TMC5: variants seen among roughly 807,000 people sequenced by gnomAD.
The protein encoded by TMC5 is transmembrane channel like 5.
TMC5 carries 86 observed loss-of-function variants against 110.5 expected under a neutral mutation model. The observed-to-expected ratio is 0.78, with a 90% CI of 0.65 to 0.93. The LOEUF is 0.93. Ranked by LOEUF, TMC5 falls within the 40% of genes least tolerant of loss-of-function variation. The pLI is 0.00. For missense variants in TMC5, 1,144 were observed against 1,222.8 expected, an observed-to-expected ratio of 0.94 and a Z score of 0.96; for synonymous variants, 455 against 439.5, an observed-to-expected ratio of 1.04 and a Z score of -0.44.
At position 19,492,240 on chromosome 16, in the gene TMC5, T is replaced by C. The variant is rs1431828981; in HGVS notation, c.2826+12T>C. 1 of 1,598,422 alleles carries C rather than the reference T, an allele frequency of 6.3e-7. No individual in the cohort carries two copies. Among genetic ancestry groups the C allele is most frequent in the South Asian group, 1.1e-5 (1 of 90,704 alleles). On this transcript the variant is annotated intron_variant, in intron 19 of 21. Coordinates refer to ENST00000542583, the MANE Select transcript of TMC5 (RefSeq NM_001261841.2). ...AGCAGATCATTAATGTAAGTCCCCT[T>C]GGATCCCTCTGATGTCCGCCCTCAC...
intron 9 of TMC5, 80 bp from the exon 10 acceptor site, chr16:19,469,601 G>A: frequency 6.4e-7 from 1 of 1,562,974 alleles, no homozygotes; most frequent in Non-Finnish European, 8.8e-7. Flanking sequence ...ATTAATAATA[G>A]GGCTGCCCTT....
At chr16:19,424,806 C>G (rs1967057455) in intron 1 of TMC5, among the ~76,000 whole-genome samples, 2 of 152,312 alleles carry the variant, frequency 1.3e-5, no homozygotes, top group South Asian at 4.1e-4. Flanking sequence ...TGAAAGATCT[C>G]CAATCTCTTC....
At chr16:19,479,103 C>T (rs367814082) in intron 13 of TMC5, among the ~76,000 whole-genome samples, 99 of 152,188 alleles carry the variant, frequency 6.5e-4, no homozygotes, top group Middle Eastern at 3.4e-3. Flanking sequence ...TTGAAGAAAC[C>T]GATTACCCTT....
Position 19,469,786 on chromosome 16 carries a change from T to G in TMC5, c.1743T>G (p.Ala581=). The change falls in exon 10 of 22, where the codon GCT becomes GCG. Residue 581 remains alanine, a synonymous_variant. Transcript: ENST00000542583. The part of the protein sequence containing the change: ...CWDFTVTHEK[A]VKLKQKNLST... The stretch of plus-strand genomic sequence containing the variant: ...ACTTCACTGTCACTCATGAAAAAGC[T>G]GTGAAGCTAAAACAGAAGAATCTTA... The G allele has an allele frequency of 6.2e-7, 1 of 1,614,208 alleles. No homozygotes were observed. The highest frequency in any genetic ancestry group is 8.5e-7 in the Non-Finnish European group (1 of 1,180,018).
At chr16:19,486,018 G>A (rs1469025805) in intron 15 of TMC5, among the ~76,000 whole-genome samples, 8 of 152,336 alleles carry the variant, frequency 5.3e-5, no homozygotes, top group East Asian at 3.9e-4. Context: ...GGTTTAATAG[G>A]TGGGTGGGAG....
intron 2 of TMC5, among the ~76,000 whole-genome samples, chr16:19,433,686 G>A (rs1476925132): frequency 6.6e-6 from 1 of 151,996 alleles, no homozygotes; most frequent in Middle Eastern, 3.2e-3. Context: ...TAGATAACTT[G>A]TCATGATTCC....
intron 15 of TMC5, among the ~76,000 whole-genome samples, chr16:19,484,687 G>C (rs544636221): frequency 4.9e-4 from 75 of 151,960 alleles, no homozygotes; most frequent in Admixed American, 7.9e-4. Context: ...CTTGAACCAG[G>C]GAGGCGGAGG....
chr16:19,481,633 A>G (rs1405917536), intron 15 of TMC5, among the ~76,000 whole-genome samples, 168 bp downstream of exon 15: 1 of 152,152 alleles, frequency 6.6e-6, no homozygotes, highest in East Asian at 1.9e-4. Context: ...ATTTTCCTTT[A>G]TGAGAGCTTA....
At chr16:19,417,093 T>G (rs1341551473), upstream of TMC5, among the ~76,000 whole-genome samples, 1 of 4,380 alleles carries the variant, frequency 2.3e-4, no homozygotes. Context: ...GACTCAGTCT[T>G]CAAAAAAAAA....
chr16:19,434,463 TATAGATAG>T (rs370245128), intron 2 of TMC5, among the ~76,000 whole-genome samples: 6,607 of 63,914 alleles, frequency 0.1, 352 homozygotes, highest in African/African-American at 0.18. Flanking sequence ...TATCTATATC[TATAGATAG>T]ATAGATAGAT....
intron 5 of TMC5, chr16:19,456,449 G>A (rs776298928): frequency 1.7e-6 from 2 of 1,165,708 alleles, no homozygotes; most frequent in Non-Finnish European, 2.1e-6. Context: ...TAGCTACCAA[G>A]ACAGAATTCT....
intron 9 of TMC5, among the ~76,000 whole-genome samples, chr16:19,468,023 G>A (rs1968232428): frequency 6.6e-6 from 1 of 151,980 alleles, no homozygotes; most frequent in Non-Finnish European, 1.5e-5. Context: ...CACCCAGGCT[G>A]GAGTGCAGTG....
intron 9 of TMC5, among the ~76,000 whole-genome samples, chr16:19,467,490 A>T (rs6497379): frequency 0.86 from 131,145 of 152,122 alleles, 56,763 homozygotes; most frequent in South Asian, 0.93. Flanking sequence ...TTAATTAATT[A>T]ATTTATTTTG....
chr16:19,470,347 C>T (rs1412803414), intron 10 of TMC5, among the ~76,000 whole-genome samples: 1 of 152,118 alleles, frequency 6.6e-6, no homozygotes, highest in Admixed American at 6.6e-5. Context: ...TGCCACCTCA[C>T]TTGGCTAATT....
intron 21 of TMC5, 34 bp from the exon 22 acceptor site, chr16:19,497,886 C>T (rs777592109): frequency 1.7e-5 from 27 of 1,610,044 alleles, no homozygotes; most frequent in Non-Finnish European, 2.2e-5. Flanking sequence ...CAGAGTGTGC[C>T]TGCGTTAACT....
chr16:19,450,646 G>T (rs1967726983), intron 5 of TMC5, among the ~76,000 whole-genome samples: 1 of 152,164 alleles, frequency 6.6e-6, no homozygotes, highest in Non-Finnish European at 1.5e-5. Flanking sequence ...TCATTAGGAA[G>T]TCTTGCTTCC....
At chr16:19,444,456 T>C (rs918762803) in intron 4 of TMC5, among the ~76,000 whole-genome samples, 1 of 151,922 alleles carries the variant, frequency 6.6e-6, no homozygotes, top group Non-Finnish European at 1.5e-5. Flanking sequence ...AAATGCTAGG[T>C]AAGAGTTGTG....
chr16:19,463,493 T>C, intron 7 of TMC5, 126 bp downstream of exon 7: 1 of 921,018 alleles, frequency 1.1e-6, no homozygotes, highest in Non-Finnish European at 1.8e-6. Context: ...AGCCAACGGT[T>C]AGTACAGGTG....
chr16:19,493,276 A>T (rs181510963), intron 19 of TMC5, among the ~76,000 whole-genome samples: 5 of 151,880 alleles, frequency 3.3e-5, no homozygotes, highest in Non-Finnish European at 7.4e-5. Context: ...AAAGACTTTT[A>T]AAAATAACTA....
Sources: allele counts gnomAD v4.1 joint callset (sites outside exome capture counted in the v4.1 genomes callset), GRCh38; gene constraint gnomAD v4.1.1; transcripts MANE v1.5; gene names NCBI Gene and HGNC (gene_info 2026-07-23, HGNC 2026-07-21).